RGS12: variants seen among roughly 807,000 people sequenced by gnomAD.
RGS12 encodes regulator of G-protein signaling 12.
Under a neutral mutation model 120.1 loss-of-function variants are expected in RGS12, and 66 were observed. The ratio of observed to expected loss-of-function variants is 0.55; its 90% CI spans 0.45 to 0.67. The LOEUF is 0.67. Among genes scored for constraint, RGS12 ranks in the 30% least tolerant of loss-of-function variants. The pLI is 0.00. For synonymous variants in RGS12, 827 were observed against 804.7 expected (o/e 1.03, Z -0.47); for missense variants, 1,859 against 1,957.7 (o/e 0.95, Z 0.95).
Position 3,400,299 on chromosome 4 carries a change from G to GT in RGS12, c.2021-13770dup, listed in dbSNP as rs530450433. ...GCATTTTTTAATGCATCCTTGTGAA[G>GT]TTTGGTTTACACAAGAAATGCAAAG... On this transcript the variant is annotated intron_variant, in intron 4 of 17. Coordinates refer to ENST00000336727, the MANE Select transcript of RGS12 (RefSeq NM_001394154.1). Among the ~76,000 whole-genome samples the GT allele has an allele frequency of 5.5e-4, 84 of 152,300 alleles. 2 individuals are homozygous for GT. The highest frequency in any genetic ancestry group is 2.0e-3 in the African/African-American group (82 of 41,570).
intron 3 of RGS12, among the ~76,000 whole-genome samples, chr4:3,363,888 G>A (rs371279489): frequency 6.6e-6 from 1 of 152,102 alleles, no homozygotes; most frequent in East Asian, 1.9e-4. Flanking sequence ...CTTGAGGAGT[G>A]GGCGGGGGAA....
intron 10 of RGS12, among the ~76,000 whole-genome samples, chr4:3,422,019 G>T (rs1339450556): frequency 1.3e-5 from 2 of 152,214 alleles, no homozygotes; most frequent in African/African-American, 4.8e-5. Flanking sequence ...AGGACAGGGT[G>T]CTGGAACCCA....
intron 4 of RGS12, among the ~76,000 whole-genome samples, chr4:3,405,387 G>A (rs769769514): frequency 1.3e-5 from 2 of 152,226 alleles, no homozygotes; most frequent in Non-Finnish European, 2.9e-5. Flanking sequence ...GGGCATTCCA[G>A]CCAGTCACAA....
At position 3,439,664 on chromosome 4, in the gene RGS12, C is replaced by T. The variant is rs1266408218; in HGVS notation, c.4324C>T (p.His1442Tyr). ...GCCTGCTAAGCCCAAGACCAGCGCT[C>T]ACCACGCCACCTTCGTCTGAGCTGC... Reference protein sequence around the residue: ...GEPAKPKTSAHHATFV With the variant: ...GEPAKPKTSAYHATFV The change falls in exon 18 of 18, where the codon CAC (histidine) becomes TAC (tyrosine). Residue 1442 changes from histidine (H) to tyrosine (Y), a missense_variant. Physicochemically the swap from His to Tyr is moderately conservative, Grantham distance 83 (BLOSUM62 2). Transcript: ENST00000336727. The T allele has an allele frequency of 5.8e-6, 9 of 1,544,522 alleles. No individual in the cohort carries two copies. The highest frequency in any genetic ancestry group is 1.7e-4 in the Middle Eastern group (1 of 5,750).
chr4:3,376,728 G>A lies in RGS12; in HGVS notation c.1999-9688G>A, dbSNP rs1717740436. ...CGGTCCCTTGGAGGGTCATGGCTGG[G>A]TCTGAAGACCCCTGTGCTAGTGGAG... On this transcript the variant is annotated intron_variant, in intron 3 of 17. Coordinates refer to ENST00000336727, the MANE Select transcript of RGS12 (RefSeq NM_001394154.1). Among the ~76,000 whole-genome samples the A allele has an allele frequency of 2.6e-5, 4 of 152,208 alleles. No individual in the cohort carries two copies. In the South Asian group the frequency reaches 8.3e-4, roughly 32 times the overall value.
intron 3 of RGS12, among the ~76,000 whole-genome samples, chr4:3,361,437 A>G (rs1348011396): frequency 6.6e-6 from 1 of 152,156 alleles, no homozygotes; most frequent in Non-Finnish European, 1.5e-5. Context: ...GCCCTTTTGA[A>G]TGGCTGGGGC....
chr4:3,316,168 A>G lies in RGS12; in HGVS notation c.-3A>G, dbSNP rs774958020. ...GTGCTCTTGGTCTTGGAAGCTCATC[A>G]GAATGTTTAGAGCTGGGGAGGCCTC... On this transcript the variant is annotated 5_prime_UTR_variant, in exon 2 of 18. Transcript: ENST00000336727. 8 of 1,536,836 alleles carry G rather than the reference A, an allele frequency of 5.2e-6. No individual in the cohort carries two copies. The South Asian group carries it at 1.0e-4, about 20-fold the overall frequency.
At chr4:3,291,617 G>T (rs940818057), upstream of RGS12, among the ~76,000 whole-genome samples, 6 of 152,216 alleles carry the variant, frequency 3.9e-5, no homozygotes, top group African/African-American at 1.2e-4. Flanking sequence ...AAAGTGCTGG[G>T]ATTACTGGCA....
At chr4:3,395,756 C>A (rs1437498264) in intron 4 of RGS12, among the ~76,000 whole-genome samples, 3 of 152,052 alleles carry the variant, frequency 2.0e-5, no homozygotes, top group African/African-American at 7.2e-5. Context: ...GCTTATTTTT[C>A]TGTTAGGTTA....
chr4:3,371,721 C>A (rs548229095), intron 3 of RGS12, among the ~76,000 whole-genome samples: 1 of 152,102 alleles, frequency 6.6e-6, no homozygotes, highest in Admixed American at 6.5e-5. Context: ...GGCCAGCAGA[C>A]GAGGGGCTGG....
chr4:3,288,054 G>A (rs1722940709), upstream of RGS12, among the ~76,000 whole-genome samples: 1 of 152,252 alleles, frequency 6.6e-6, no homozygotes, highest in Non-Finnish European at 1.5e-5. This position sits in a 1 kb window ranked among gnomAD's most constrained non-coding sequence, Gnocchi z 5.2. Flanking sequence ...GCCGTCGAGA[G>A]ACACCGTGGG....
At chr4:3,419,501 A>C (rs1350022431) in intron 9 of RGS12, 1 of 151,554 alleles carries the variant, frequency 6.6e-6, no homozygotes, top group Non-Finnish European at 1.5e-5. Context: ...TAAATAAATA[A>C]ATAAATAAAT....
At chr4:3,326,510 G>A (rs892714793) in intron 2 of RGS12, among the ~76,000 whole-genome samples, 1 of 152,188 alleles carries the variant, frequency 6.6e-6, no homozygotes, top group Non-Finnish European at 1.5e-5. Flanking sequence ...GCTATCCAAA[G>A]TGCTGGGAAG....
At chr4:3,287,489 C>A in the RGS12 span, among the ~76,000 whole-genome samples, 1 of 152,372 alleles carries the variant, frequency 6.6e-6, no homozygotes, top group East Asian at 1.9e-4. Context: ...GGGTTCACGC[C>A]ACACACGTGG....
intron 16 of RGS12, 66 bp downstream of exon 16, chr4:3,428,777 T>A: frequency 7.2e-7 from 1 of 1,383,318 alleles, no homozygotes; most frequent in Non-Finnish European, 9.9e-7. Flanking sequence ...GTATAGTCAG[T>A]AGATCTGCTT....
chr4:3,414,486 G>T (rs1722117819), intron 5 of RGS12: 1 of 597,398 alleles, frequency 1.7e-6, no homozygotes, highest in Admixed American at 3.0e-5. Flanking sequence ...GGGTCTCTCT[G>T]CAGCCCGCAG....
chr4:3,376,398 C>A (rs1717699902), intron 3 of RGS12, among the ~76,000 whole-genome samples: 1 of 152,184 alleles, frequency 6.6e-6, no homozygotes, highest in Admixed American at 6.5e-5. Context: ...GGGAGCTGGG[C>A]TGCAGTGAGG....
intron 12 of RGS12, 101 bp downstream of exon 12, chr4:3,423,079 T>C: frequency 3.4e-6 from 2 of 590,706 alleles, no homozygotes; most frequent in Non-Finnish European, 5.9e-6. Flanking sequence ...CTGTGGATGC[T>C]CCATGCTGGG....
chr4:3,290,952 G>T (rs777739533), upstream of RGS12, among the ~76,000 whole-genome samples: 4 of 152,236 alleles, frequency 2.6e-5, no homozygotes, highest in African/African-American at 4.8e-5. Flanking sequence ...ACTTCTGGGG[G>T]CCCTGGCTTT....
Sources: gnomAD v4.1 joint callset for allele counts (sites outside exome capture counted in the v4.1 genomes callset) on GRCh38, gnomAD v4.1.1 for gene constraint, Gnocchi (gnomAD v3.1) non-coding constraint, MANE v1.5 for transcripts, NCBI Gene and HGNC (gene_info 2026-07-23, HGNC 2026-07-21) for gene names.